The following RBFOX1 variants were observed in gnomAD, a reference collection of about 807,000 sequenced individuals.
RBFOX1 encodes RNA binding protein fox-1 homolog 1.
Under a neutral mutation model 57.7 loss-of-function variants are expected in RBFOX1, and 8 were observed. The observed-to-expected ratio is 0.14, with a 90% confidence interval of 0.08 to 0.25. The LOEUF (loss-of-function observed/expected upper bound fraction) is 0.25, where lower values mean the gene tolerates loss of function less well. Ranked by LOEUF, RBFOX1 falls within the 10% of genes least tolerant of loss-of-function variation. The pLI, the probability that RBFOX1 is intolerant of heterozygous loss-of-function variation, is 1.00. For synonymous variants in RBFOX1, 326 were observed against 222.4 expected (o/e 1.47, Z -4.15); for missense variants, 611 against 548.5 (o/e 1.11, Z -1.14).
intron 2 of RBFOX1, among the ~76,000 whole-genome samples, chr16:6,617,120 C>G (rs567472388): frequency 6.6e-6 from 1 of 151,980 alleles, no homozygotes; most frequent in African/African-American, 2.4e-5. Context: ...TTTTGGAAGA[C>G]GTAAGACTTA....
chr16:5,665,470 A>C (rs2049810962), intron 3 of RBFOX1, among the ~76,000 whole-genome samples: 1 of 151,794 alleles, frequency 6.6e-6, no homozygotes, highest in African/African-American at 2.4e-5. Context: ...TTCTCCCCAC[A>C]TACCACCTTG....
intron 3 of RBFOX1, among the ~76,000 whole-genome samples, chr16:7,017,449 C>A (rs114928577): frequency 0.022 from 3,352 of 152,284 alleles, 130 homozygotes; most frequent in African/African-American, 0.076. Context: ...CCTTAGCATG[C>A]AACGCACACA....
At chr16:7,617,646 C>G (rs1250843244) in intron 10 of RBFOX1, among the ~76,000 whole-genome samples, 1 of 152,148 alleles carries the variant, frequency 6.6e-6, no homozygotes, top group African/African-American at 2.4e-5. Flanking sequence ...AACACTTAAT[C>G]CTTGTTTCCA....
At chr16:5,445,823 G>A (rs555050991) in intron 1 of RBFOX1, among the ~76,000 whole-genome samples, 20 of 152,268 alleles carry the variant, frequency 1.3e-4, no homozygotes, top group Middle Eastern at 3.4e-3. Flanking sequence ...ATGCTAAATC[G>A]CTTTTAAACA....
chr16:5,366,509 C>A, intron 1 of RBFOX1: 1 of 430,184 alleles, frequency 2.3e-6, no homozygotes. Flanking sequence ...GAAAAAACTG[C>A]TAAAACACCG....
At chr16:5,931,658 G>A (rs941073622) in intron 4 of RBFOX1, among the ~76,000 whole-genome samples, 1 of 152,152 alleles carries the variant, frequency 6.6e-6, no homozygotes, top group Non-Finnish European at 1.5e-5. Context: ...TCAGGCTGAA[G>A]GAGACTCAAG....
intron 4 of RBFOX1, among the ~76,000 whole-genome samples, chr16:7,311,261 C>T (rs990796619): frequency 3.9e-5 from 6 of 152,152 alleles, no homozygotes; most frequent in Admixed American, 3.9e-4. Flanking sequence ...TGATCCTTTT[C>T]TTTATGTGTC....
chr16:5,597,395 C>CTTTTT (rs35058375), intron 2 of RBFOX1, among the ~76,000 whole-genome samples: 1 of 114,420 alleles, frequency 8.7e-6, no homozygotes, highest in Non-Finnish European at 1.7e-5. Flanking sequence ...AGCTTGCTGA[C>CTTTTT]TTTTTTTTTT....
At chr16:7,204,537 G>T (rs558587740) in intron 4 of RBFOX1, among the ~76,000 whole-genome samples, 2 of 152,058 alleles carry the variant, frequency 1.3e-5, no homozygotes, top group Non-Finnish European at 2.9e-5. Context: ...TCCCAGTTAC[G>T]CAGGAAGCTG....
intron 3 of RBFOX1, among the ~76,000 whole-genome samples, chr16:7,025,487 T>C (rs543686172): frequency 3.3e-5 from 5 of 152,292 alleles, no homozygotes; most frequent in African/African-American, 1.2e-4. Context: ...GGTCTCAGCC[T>C]TGTTGTACCC....
chr16:5,704,128 C>T (rs563662317), intron 3 of RBFOX1, among the ~76,000 whole-genome samples: 28 of 152,240 alleles, frequency 1.8e-4, no homozygotes, highest in African/African-American at 5.5e-4. Flanking sequence ...GGGGCACATC[C>T]ACTGAGGACA....
chr16:7,350,231 G>C (rs991468263), intron 4 of RBFOX1, among the ~76,000 whole-genome samples: 5 of 152,146 alleles, frequency 3.3e-5, no homozygotes, highest in Non-Finnish European at 2.9e-5. Context: ...GCTCAGATCT[G>C]ATTGACAAGT....
intron 14 of RBFOX1, among the ~76,000 whole-genome samples, chr16:7,682,909 A>G (rs2146839379): frequency 6.8e-6 from 1 of 146,850 alleles, no homozygotes; most frequent in South Asian, 2.2e-4. Flanking sequence ...TGTCCTAGAC[A>G]GCTTTCGGGT....
At chr16:6,216,532 C>A (rs1328453937) in intron 1 of RBFOX1, among the ~76,000 whole-genome samples, 10 of 152,178 alleles carry the variant, frequency 6.6e-5, no homozygotes, top group Non-Finnish European at 1.2e-4. Context: ...TCCTGAGTAG[C>A]CTCTGCTAGA....
At chr16:5,433,689 A>G (rs1016036528) in intron 1 of RBFOX1, among the ~76,000 whole-genome samples, 1 of 152,178 alleles carries the variant, frequency 6.6e-6, no homozygotes, top group African/African-American at 2.4e-5. Flanking sequence ...CGAATAAATG[A>G]ATGAGTCATT....
At chr16:6,473,818 G>A (rs993483411) in intron 2 of RBFOX1, among the ~76,000 whole-genome samples, 1 of 152,148 alleles carries the variant, frequency 6.6e-6, no homozygotes, top group Non-Finnish European at 1.5e-5. Context: ...GTAGAAAGGG[G>A]TGTTCCTTGT....
At chr16:5,361,465 T>C (rs1189692951) in intron 1 of RBFOX1, among the ~76,000 whole-genome samples, 4 of 152,184 alleles carry the variant, frequency 2.6e-5, no homozygotes, top group African/African-American at 9.7e-5. Flanking sequence ...TCTCAGTGAC[T>C]GTAAAGAAAA....
At chr16:5,712,251 TGG>T (rs2051517556) in intron 3 of RBFOX1, among the ~76,000 whole-genome samples, 1 of 152,148 alleles carries the variant, frequency 6.6e-6, no homozygotes, top group African/African-American at 2.4e-5. Flanking sequence ...GATATTTGAG[TGG>T]GGACACGAAG....
At chr16:7,347,974 A>C (rs2097050463) in intron 4 of RBFOX1, among the ~76,000 whole-genome samples, 1 of 152,196 alleles carries the variant, frequency 6.6e-6, no homozygotes, top group Non-Finnish European at 1.5e-5. Flanking sequence ...TGTTTGTAGA[A>C]AGCAAGGCCC....
Sources: gnomAD v4.1 joint callset for allele counts (sites outside exome capture counted in the v4.1 genomes callset) on GRCh38, gnomAD v4.1.1 for gene constraint, MANE v1.5 for transcripts, NCBI Gene and HGNC (gene_info 2026-07-23, HGNC 2026-07-21) for gene names.